CTNNA3: variants seen among roughly 807,000 people sequenced by gnomAD.
CTNNA3 encodes the protein catenin alpha 3, also known as catenin alpha-3.
A neutral mutation model predicts 95.7 loss-of-function variants in CTNNA3; 76 were observed. The observed-to-expected ratio is 0.79, with a 90% CI of 0.66 to 0.96. The LOEUF (loss-of-function observed/expected upper bound fraction) is 0.96, where lower values mean the gene tolerates loss of function less well. Among genes scored for constraint, CTNNA3 ranks in the 40% least tolerant of loss-of-function variants. CTNNA3 has a pLI of 0.00. For synonymous variants in CTNNA3, 431 were observed against 374.4 expected, an observed-to-expected ratio of 1.15 and a Z score of -1.74; for missense variants, 1,191 against 1,089.8, an observed-to-expected ratio of 1.09 and a Z score of -1.31.
At chr10:66,122,902 A>G (rs1325502298) in intron 13 of CTNNA3, among the ~76,000 whole-genome samples, 1 of 152,150 alleles carries the variant, frequency 6.6e-6, no homozygotes, top group African/African-American at 2.4e-5. Flanking sequence ...CCATAATTCA[A>G]TCAACTCTCA....
intron 7 of CTNNA3, among the ~76,000 whole-genome samples, chr10:66,863,180 T>TACACACAC (rs71035194): frequency 0.016 from 2,298 of 147,868 alleles, 34 homozygotes; most frequent in Non-Finnish European, 0.022. Flanking sequence ...GCCAATTCTT[T>TACACACAC]ACACACACAC....
At chr10:66,498,503 T>C (rs889810715) in intron 11 of CTNNA3, among the ~76,000 whole-genome samples, 21 of 152,286 alleles carry the variant, frequency 1.4e-4, no homozygotes, top group Admixed American at 4.6e-4. Context: ...TTTAGGTTCA[T>C]GTCAGCAAAT....
intron 12 of CTNNA3, among the ~76,000 whole-genome samples, chr10:66,326,012 C>T (rs2092249457): frequency 6.6e-6 from 1 of 152,104 alleles, no homozygotes; most frequent in Non-Finnish European, 1.5e-5. Context: ...TAAAAGCCTG[C>T]ATTGTTTAAC....
At chr10:66,632,929 A>G (rs542931592) in intron 9 of CTNNA3, among the ~76,000 whole-genome samples, 3 of 152,290 alleles carry the variant, frequency 2.0e-5, no homozygotes, top group African/African-American at 7.2e-5. Flanking sequence ...TGACTAATAA[A>G]TACATGAAAA....
chr10:67,456,873 G>T (rs78879800), intron 5 of CTNNA3, among the ~76,000 whole-genome samples: 6,624 of 152,082 alleles, frequency 0.044, 480 homozygotes, highest in East Asian at 0.34. Flanking sequence ...GGTGACTACT[G>T]CCCTGAAAAT....
At chr10:67,276,614 G>A (rs984958632) in intron 5 of CTNNA3, among the ~76,000 whole-genome samples, 4 of 151,974 alleles carry the variant, frequency 2.6e-5, no homozygotes, top group Non-Finnish European at 5.9e-5. Flanking sequence ...AAAATACAAA[G>A]AGAAAGTAAA....
chr10:65,979,040 T>A (rs1329880692), intron 16 of CTNNA3, among the ~76,000 whole-genome samples: 4 of 152,118 alleles, frequency 2.6e-5, no homozygotes, highest in African/African-American at 9.7e-5. Flanking sequence ...ATTGGGAAAG[T>A]ATGGTGCATG....
intron 5 of CTNNA3, among the ~76,000 whole-genome samples, chr10:67,394,568 T>G (rs1322824290): frequency 2.6e-5 from 4 of 152,150 alleles, no homozygotes; most frequent in Non-Finnish European, 5.9e-5. Flanking sequence ...CTAAGGTCAT[T>G]CTGATCCAGT....
intron 14 of CTNNA3, among the ~76,000 whole-genome samples, chr10:66,084,381 A>C (rs1156661527): frequency 1.3e-5 from 2 of 151,970 alleles, no homozygotes; most frequent in African/African-American, 4.8e-5. Flanking sequence ...GTATCCACAA[A>C]AATTAAAAAC....
intron 7 of CTNNA3, among the ~76,000 whole-genome samples, chr10:67,026,561 A>G (rs1242011854): frequency 1.3e-5 from 2 of 152,194 alleles, no homozygotes; most frequent in African/African-American, 4.8e-5. Flanking sequence ...ACATGCCTTC[A>G]AATAGCTCCT....
chr10:66,175,657 C>A (rs946856264), intron 13 of CTNNA3, among the ~76,000 whole-genome samples: 6 of 152,164 alleles, frequency 3.9e-5, no homozygotes. Flanking sequence ...CTGCTTAACT[C>A]ACCAGTCACA....
chr10:67,352,619 T>C (rs1842675513), intron 5 of CTNNA3, among the ~76,000 whole-genome samples: 1 of 152,032 alleles, frequency 6.6e-6, no homozygotes, highest in South Asian at 2.1e-4. Context: ...GTTCCATTTT[T>C]CCTGTATGTT....
At chr10:67,113,198 A>T (rs1858997930) in intron 7 of CTNNA3, among the ~76,000 whole-genome samples, 1 of 152,236 alleles carries the variant, frequency 6.6e-6, no homozygotes, top group South Asian at 2.1e-4. Flanking sequence ...AAAAGGTAGA[A>T]ATGAGGAAAT....
At chr10:66,098,188 C>T (rs2081476274) in intron 14 of CTNNA3, 1 of 152,116 alleles carries the variant, frequency 6.6e-6, no homozygotes, top group African/African-American at 2.4e-5. Context: ...TTTAACAAAC[C>T]ATCTTTCTAG....
chr10:67,673,482 A>T (rs1338032502), intron 1 of CTNNA3, among the ~76,000 whole-genome samples: 1 of 151,946 alleles, frequency 6.6e-6, no homozygotes, highest in African/African-American at 2.4e-5. Flanking sequence ...ATTCGGTATG[A>T]TATTGGCTGT....
intron 10 of CTNNA3, among the ~76,000 whole-genome samples, chr10:66,525,668 T>C (rs74141579): frequency 6.6e-6 from 1 of 152,060 alleles, no homozygotes; most frequent in African/African-American, 2.4e-5. Context: ...AGAAAGAATA[T>C]ATATATAAAA....
chr10:66,677,922 T>G (rs2394289), intron 9 of CTNNA3, among the ~76,000 whole-genome samples: 83,719 of 151,462 alleles, frequency 0.55, 23,838 homozygotes, highest in African/African-American at 0.68. Context: ...GTAACAACTA[T>G]TCTAAGGTTC....
At chr10:66,712,186 T>C (rs1332545756) in intron 9 of CTNNA3, among the ~76,000 whole-genome samples, 2 of 152,180 alleles carry the variant, frequency 1.3e-5, no homozygotes, top group African/African-American at 4.8e-5. Context: ...CTAAGTTCTC[T>C]GCAGATGCTC....
intron 13 of CTNNA3, among the ~76,000 whole-genome samples, chr10:66,185,082 G>T (rs532208781): frequency 6.6e-6 from 1 of 152,282 alleles, no homozygotes. Flanking sequence ...CATAGCTATT[G>T]ACTGGGTATA....
Sources: gnomAD v4.1 joint callset for allele counts (sites outside exome capture counted in the v4.1 genomes callset) on GRCh38, gnomAD v4.1.1 for gene constraint, MANE v1.5 for transcripts, NCBI Gene and HGNC (gene_info 2026-07-23, HGNC 2026-07-21) for gene names.